The following PIEZO2 variants were observed in gnomAD, a reference collection of about 807,000 sequenced individuals.
PIEZO2 encodes piezo type mechanosensitive ion channel component 2.
A neutral mutation model predicts 337.3 loss-of-function variants in PIEZO2; 172 were observed. The ratio of observed to expected loss-of-function variants is 0.51; its 90% confidence interval spans 0.45 to 0.58. PIEZO2 has a LOEUF of 0.58. Among genes scored for constraint, PIEZO2 ranks in the 20% least tolerant of loss-of-function variants. PIEZO2 has a pLI of 0.00. For missense variants in PIEZO2, 3,028 were observed against 3,391.3 expected (o/e 0.89, Z 2.66); for synonymous variants, 1,251 against 1,228.5 (o/e 1.02, Z -0.38).
intron 3 of PIEZO2, among the ~76,000 whole-genome samples, chr18:10,932,905 C>A (rs1316164898): frequency 6.6e-6 from 1 of 151,242 alleles, no homozygotes; most frequent in Non-Finnish European, 1.5e-5. Flanking sequence ...GCCTGGGCAA[C>A]AGAGCCAGAC....
chr18:10,783,377 A>T lies in PIEZO2; in HGVS notation c.2492+1407T>A, dbSNP rs993741059. On this transcript the variant is annotated intron_variant, in intron 17 of 55. Transcript: ENST00000674853. The surrounding 1 kb of genome is among the most constrained non-coding windows in gnomAD (Gnocchi z 4.3). ...CAATGTCAAAATAATGATTAAAAAAATCCTTTTTCTGATTATTGACAATTC... is the reference window on the plus strand; with the variant it reads ...CAATGTCAAAATAATGATTAAAAAATTCCTTTTTCTGATTATTGACAATTC... Among the ~76,000 whole-genome samples, 3 of 152,224 alleles carry T rather than the reference A, an allele frequency of 2.0e-5. No individual in the cohort carries two copies. Among genetic ancestry groups the T allele is most frequent in the African/African-American group, 7.2e-5 (3 of 41,464 alleles).
rs567571129 is a variant in PIEZO2 at position 10,962,430 on chromosome 18, A to G, written c.286+17105T>C. Among the ~76,000 whole-genome samples the G allele has an allele frequency of 3.3e-5, 5 of 152,204 alleles. No individual in the cohort carries two copies. The highest frequency in any genetic ancestry group is 3.3e-4 in the Admixed American group (5 of 15,284). On this transcript the variant is annotated intron_variant, in intron 3 of 55. Coordinates refer to ENST00000674853, the MANE Select transcript of PIEZO2 (RefSeq NM_001378183.1). This position sits in a 1 kb window ranked among gnomAD's most constrained non-coding sequence, Gnocchi z 4.1. The stretch of plus-strand genomic sequence containing the variant: ...AACACTCCTGTGAGGGGACAACCCT[A>G]AAGCCTGGGATCCCAGGAGCTGCAC...
chr18:11,105,634 C>T lies in PIEZO2; in HGVS notation c.65-39412G>A, dbSNP rs952199551. On this transcript the variant is annotated intron_variant, in intron 1 of 55. Coordinates refer to ENST00000674853, the MANE Select transcript of PIEZO2 (RefSeq NM_001378183.1). The surrounding 1 kb of genome is among the most constrained non-coding windows in gnomAD (Gnocchi z 4.3). ...AGTGCTGGAGTCTGACCACATGGTC[C>T]CACAGAAGCCTGGAAGCCGCTACAA... Among the ~76,000 whole-genome samples, 3 of 152,254 alleles carry T rather than the reference C, an allele frequency of 2.0e-5. No individual in the cohort carries two copies. In the East Asian group the frequency reaches 5.8e-4, roughly 29 times the overall value.
At chr18:10,994,833 GCACTTTGGGAGGCCAAAGC>G (rs2035247548) in intron 2 of PIEZO2, among the ~76,000 whole-genome samples, 1 of 151,630 alleles carries the variant, frequency 6.6e-6, no homozygotes, top group Non-Finnish European at 1.5e-5. Context: ...TGTAATCCCA[GCACTTTGGGAGGCCAAAGC>G]GGGCGGATCA....
intron 33 of PIEZO2, chr18:10,738,652 A>G (rs1295408602): frequency 6.6e-6 from 1 of 152,230 alleles, no homozygotes; most frequent in Non-Finnish European, 1.5e-5. Context: ...CTGTGTCCAC[A>G]TACATATCAT....
chr18:10,824,102 T>G lies in PIEZO2; in HGVS notation c.918-16828A>C, dbSNP rs2040599484. On this transcript the variant is annotated intron_variant, in intron 7 of 55. Transcript: ENST00000674853. This position sits in a 1 kb window ranked among gnomAD's most constrained non-coding sequence, Gnocchi z 4.4. ...AATACATACAATTGTTATATGAATT[T>G]AACCCTATATATATATTTTATGCAC... 6.6e-6 allele frequency among the ~76,000 whole-genome samples: 1 copy of G among 152,190 alleles called. No homozygotes were observed. Among genetic ancestry groups the G allele is most frequent in the African/African-American group, 2.4e-5 (1 of 41,444 alleles).
chr18:11,066,682 C>T (rs1489721728), intron 1 of PIEZO2, among the ~76,000 whole-genome samples: 3 of 152,206 alleles, frequency 2.0e-5, no homozygotes, highest in African/African-American at 7.2e-5. Context: ...TCACTGCAAC[C>T]TCTGCCTCCT....
In PIEZO2 at chr18:10,828,967, T is replaced by C. The variant is rs1180937961; in HGVS notation, c.918-21693A>G. Among the ~76,000 whole-genome samples, 1 of 152,186 alleles carries C rather than the reference T, an allele frequency of 6.6e-6. No individual in the cohort carries two copies. The highest frequency in any genetic ancestry group is 1.5e-5 in the Non-Finnish European group (1 of 68,038). Reference sequence around the variant, plus strand: ...CATGTCATGTCTTCATTGGGCTCTCTCCTCTCAACCATTCACTCCTTACTT... The same window carrying C: ...CATGTCATGTCTTCATTGGGCTCTCCCCTCTCAACCATTCACTCCTTACTT... On this transcript the variant is annotated intron_variant, in intron 7 of 55. Transcript: ENST00000674853. This position sits in a 1 kb window ranked among gnomAD's most constrained non-coding sequence, Gnocchi z 4.1.
chr18:10,849,446 T>A (rs1467789308), intron 7 of PIEZO2, among the ~76,000 whole-genome samples: 3 of 152,176 alleles, frequency 2.0e-5, no homozygotes, highest in Non-Finnish European at 4.4e-5. Context: ...CACGTACAGG[T>A]GTGTTTTAAA....
At chr18:11,135,194 C>G (rs955539646) in intron 1 of PIEZO2, among the ~76,000 whole-genome samples, 2 of 152,012 alleles carry the variant, frequency 1.3e-5, no homozygotes, top group African/African-American at 4.8e-5. Context: ...AAAACAGAAA[C>G]CTAGAAAGCA....
At chr18:11,000,581 C>T (rs1289134327) in intron 2 of PIEZO2, among the ~76,000 whole-genome samples, 1 of 152,182 alleles carries the variant, frequency 6.6e-6, no homozygotes, top group Non-Finnish European at 1.5e-5. Context: ...AATGCATCTT[C>T]ATGAGCAGGG....
chr18:11,061,586 A>T (rs1421803725), intron 2 of PIEZO2, among the ~76,000 whole-genome samples: 1 of 152,156 alleles, frequency 6.6e-6, no homozygotes, highest in Non-Finnish European at 1.5e-5. Flanking sequence ...ATGTACAAAA[A>T]TCACAAGCAT....
intron 5 of PIEZO2, among the ~76,000 whole-genome samples, chr18:10,869,612 T>A (rs1157790): frequency 6.6e-6 from 1 of 151,984 alleles, no homozygotes; most frequent in African/African-American, 2.4e-5. Context: ...ATTTTCAAAC[T>A]GTAAATGTAA....
At position 10,870,258 on chromosome 18, in the gene PIEZO2, T is replaced by G. The variant is rs892347511; in HGVS notation, c.492+995A>C. On this transcript the variant is annotated intron_variant, in intron 5 of 55. Coordinates refer to ENST00000674853, the MANE Select transcript of PIEZO2 (RefSeq NM_001378183.1). This position sits in a 1 kb window ranked among gnomAD's most constrained non-coding sequence, Gnocchi z 5.3. ...TTTTTAAATAAGCATACAAGGAAAT[T>G]GTCTGCTTTCTTGTGAACCATATAA... Among the ~76,000 whole-genome samples, 1 of 152,164 alleles carries G rather than the reference T, an allele frequency of 6.6e-6. No homozygotes were observed. Among genetic ancestry groups the G allele is most frequent in the Admixed American group, 6.5e-5 (1 of 15,276 alleles).
At position 10,731,175 on chromosome 18, in the gene PIEZO2, GATTATATATATATATATATAT is replaced by G. The variant is rs1482040588; in HGVS notation, c.5029+211_5029+231del. ...AACTCTCCTTTTTTCCTACTTAAAA[GATTATATATATATATATATAT>G]ATATATATATATATATATATATCTC... On this transcript the variant is annotated intron_variant, in intron 36 of 55. Coordinates refer to ENST00000674853, the MANE Select transcript of PIEZO2 (RefSeq NM_001378183.1). 1.9e-3 allele frequency among the ~76,000 whole-genome samples: 229 copies of G among 117,830 alleles called. 5 individuals carry two copies. The highest frequency in any genetic ancestry group is 6.1e-3 in the African/African-American group (204 of 33,248). The allele number at this position is 117,830 out of a possible 152,430, so 77.3% of individuals were successfully genotyped here.
At chr18:10,740,703 G>A (rs1205337147) in intron 33 of PIEZO2, 4 of 461,140 alleles carry the variant, frequency 8.7e-6, no homozygotes, top group Non-Finnish European at 1.6e-5. Context: ...TGTGAATAGG[G>A]CTCTCGACCT....
chr18:11,114,428 G>C (rs560717541), intron 1 of PIEZO2, among the ~76,000 whole-genome samples: 19 of 152,214 alleles, frequency 1.2e-4, no homozygotes, highest in African/African-American at 4.6e-4. Context: ...CACTTTGGGA[G>C]GCCGAGGCAG....
chr18:10,867,109 G>A (rs997198559), intron 5 of PIEZO2, among the ~76,000 whole-genome samples: 1 of 152,204 alleles, frequency 6.6e-6, no homozygotes, highest in African/African-American at 2.4e-5. Flanking sequence ...CAACTGGGCA[G>A]CCGTTCAGCT....
chr18:10,922,140 C>A (rs747807955), intron 3 of PIEZO2, among the ~76,000 whole-genome samples: 1 of 152,072 alleles, frequency 6.6e-6, no homozygotes, highest in Non-Finnish European at 1.5e-5. Flanking sequence ...CCTGTTCACA[C>A]ACTCCCTCCC....
Sources: gnomAD v4.1 joint callset for allele counts (sites outside exome capture counted in the v4.1 genomes callset) on GRCh38, gnomAD v4.1.1 for gene constraint, Gnocchi (gnomAD v3.1) non-coding constraint, MANE v1.5 for transcripts, NCBI Gene and HGNC (gene_info 2026-07-23, HGNC 2026-07-21) for gene names.